The following EYS variants were observed in gnomAD, a reference collection of about 807,000 sequenced individuals.
EYS encodes the protein EGF-like photoreceptor maintenance factor.
A neutral mutation model predicts 282.1 loss-of-function variants in EYS; 250 were observed. The observed-to-expected ratio is 0.89, with a 90% CI of 0.80 to 0.98. EYS has a LOEUF of 0.98. Ranked by LOEUF, EYS falls within the 50% of genes least tolerant of loss-of-function variation. The pLI is 0.00. For missense variants in EYS, 4,016 were observed against 3,709.0 expected, an observed-to-expected ratio of 1.08 and a Z score of -2.15; for synonymous variants, 1,355 against 1,282.9, an observed-to-expected ratio of 1.06 and a Z score of -1.20.
intron 30 of EYS, among the ~76,000 whole-genome samples, chr6:64,248,107 T>G (rs9344919): frequency 0.4 from 61,271 of 151,664 alleles, 13,110 homozygotes; most frequent in African/African-American, 0.56. Context: ...CCTGCCAGAT[T>G]AAGTTATGTG....
chr6:65,001,245 G>C (rs1006893236), intron 13 of EYS, among the ~76,000 whole-genome samples: 3 of 147,668 alleles, frequency 2.0e-5, no homozygotes, highest in Admixed American at 6.7e-5. Context: ...GAAGATTCGG[G>C]TCACACATGG....
At chr6:64,653,984 A>G (rs770181558) in intron 22 of EYS, among the ~76,000 whole-genome samples, 18 of 152,206 alleles carry the variant, frequency 1.2e-4, no homozygotes, top group Non-Finnish European at 4.4e-5. Flanking sequence ...ATTTATATTC[A>G]TAAAGATGTT....
At chr6:64,112,439 G>T (rs112910193) in intron 31 of EYS, among the ~76,000 whole-genome samples, 14,377 of 151,554 alleles carry the variant, frequency 0.095, 1,145 homozygotes, top group African/African-American at 0.23. Context: ...CAAATTATAA[G>T]GTATATGTTT....
chr6:64,049,189 G>T (rs998616616), intron 33 of EYS, among the ~76,000 whole-genome samples: 1 of 151,988 alleles, frequency 6.6e-6, no homozygotes, highest in Non-Finnish European at 1.5e-5. Context: ...TTAAACATAC[G>T]GAAAAGTTAA....
intron 40 of EYS, among the ~76,000 whole-genome samples, chr6:63,775,993 C>G (rs1351049701): frequency 6.6e-6 from 1 of 152,004 alleles, no homozygotes; most frequent in Non-Finnish European, 1.5e-5. Context: ...TAAGAGGATC[C>G]CCAAACTGGT....
rs746507997 is a variant in EYS at position 64,932,159 on chromosome 6, C to T, written c.2381+13634G>A. Among the ~76,000 whole-genome samples the T allele has an allele frequency of 4.3e-4, 65 of 152,080 alleles. 3 individuals carry two copies. Among genetic ancestry groups the T allele is most frequent in the Non-Finnish European group, 3.4e-4 (23 of 68,002 alleles). ...TTGTAAACAACCATCCCTCTCTCCC[C>T]AGCTCTTCAATGGACTTGAAATCCA... On this transcript the variant is annotated intron_variant, in intron 15 of 42. Coordinates refer to ENST00000503581, the MANE Select transcript of EYS (RefSeq NM_001142800.2).
chr6:65,357,826 G>T (rs781688436), intron 8 of EYS, among the ~76,000 whole-genome samples: 2 of 151,794 alleles, frequency 1.3e-5, no homozygotes, highest in Non-Finnish European at 2.9e-5. Flanking sequence ...CAGTGAAATG[G>T]CGACTAATGT....
chr6:64,439,993 A>AT (rs141869656), intron 26 of EYS, among the ~76,000 whole-genome samples: 36,333 of 149,962 alleles, frequency 0.24, 4,871 homozygotes, highest in East Asian at 0.39. Context: ...TTATTAAATC[A>AT]TTTTTTTTTG....
chr6:64,145,391 C>T (rs926188670), intron 31 of EYS, among the ~76,000 whole-genome samples: 1 of 152,166 alleles, frequency 6.6e-6, no homozygotes, highest in African/African-American at 2.4e-5. Context: ...CATTACTAAG[C>T]AGTGGATCTA....
At chr6:65,229,323 A>G (rs1766709096) in intron 12 of EYS, among the ~76,000 whole-genome samples, 1 of 151,950 alleles carries the variant, frequency 6.6e-6, no homozygotes, top group Admixed American at 6.6e-5. Context: ...ATTTTTAGAA[A>G]ACAACTTTTT....
At position 64,315,890 on chromosome 6, in the gene EYS, C is replaced by T. The variant is rs141677824; in HGVS notation, c.6079-8808G>A. On this transcript the variant is annotated intron_variant, in intron 29 of 42. Coordinates refer to ENST00000503581, the MANE Select transcript of EYS (RefSeq NM_001142800.2). ...TACCACGATCAAGTCGGCTTCATCC[C>T]TGGGATACAAGGCTGGTTCAACATA... Among the ~76,000 whole-genome samples the T allele has an allele frequency of 4.7e-3, 719 of 152,304 alleles. 3 individuals carry two copies. The highest frequency in any genetic ancestry group is 8.5e-3 in the Non-Finnish European group (581 of 68,032).
chr6:63,765,153 T>G (rs546972545), intron 40 of EYS, among the ~76,000 whole-genome samples: 35 of 152,162 alleles, frequency 2.3e-4, no homozygotes, highest in African/African-American at 8.2e-4. Flanking sequence ...ATGTTTATTA[T>G]TTTTTACAGG....
intron 31 of EYS, among the ~76,000 whole-genome samples, chr6:64,147,025 T>C (rs760487732): frequency 2.8e-4 from 43 of 152,306 alleles, no homozygotes; most frequent in Non-Finnish European, 5.7e-4. Context: ...CCAAAGATCA[T>C]TCACTTTCCA....
intron 19 of EYS, among the ~76,000 whole-genome samples, chr6:64,852,068 A>C (rs142279321): frequency 6.6e-6 from 1 of 152,268 alleles, no homozygotes; most frequent in African/African-American, 2.4e-5. Context: ...CAATGTAGAC[A>C]GTAGTGGGTT....
chr6:64,251,753 T>C (rs888007004), intron 30 of EYS, among the ~76,000 whole-genome samples: 1 of 152,114 alleles, frequency 6.6e-6, no homozygotes, highest in Non-Finnish European at 1.5e-5. Flanking sequence ...AGGTAGTGAG[T>C]ATGCAAAGAT....
intron 30 of EYS, among the ~76,000 whole-genome samples, chr6:64,244,433 G>A (rs1194866559): frequency 6.6e-6 from 1 of 152,142 alleles, no homozygotes; most frequent in East Asian, 1.9e-4. Context: ...CTTTTAAGAA[G>A]TTCCCTTTGT....
intron 32 of EYS, among the ~76,000 whole-genome samples, chr6:64,067,377 A>C (rs1176034456): frequency 6.6e-6 from 1 of 152,146 alleles, no homozygotes; most frequent in Non-Finnish European, 1.5e-5. Flanking sequence ...AAGTCCTACC[A>C]ATCACTATTC....
intron 29 of EYS, among the ~76,000 whole-genome samples, chr6:64,345,234 C>T (rs551291651): frequency 1.3e-5 from 2 of 152,192 alleles, no homozygotes; most frequent in South Asian, 2.1e-4. Context: ...AAAGAGCCCA[C>T]ATTGCCAAGT....
At chr6:65,612,456 G>T (rs1766034776) in intron 2 of EYS, among the ~76,000 whole-genome samples, 1 of 151,586 alleles carries the variant, frequency 6.6e-6, no homozygotes, top group Non-Finnish European at 1.5e-5. Context: ...ATTATGCACT[G>T]ACTAAACTAA....
Sources: allele counts gnomAD v4.1 joint callset (sites outside exome capture counted in the v4.1 genomes callset), GRCh38; gene constraint gnomAD v4.1.1; transcripts MANE v1.5; gene names NCBI Gene and HGNC (gene_info 2026-07-23, HGNC 2026-07-21).